TSHZ3: variants seen among roughly 807,000 people sequenced by gnomAD.
TSHZ3 encodes teashirt zinc finger homeobox 3.
TSHZ3 carries 10 observed loss-of-function variants against 64.5 expected under a neutral mutation model. The observed-to-expected ratio is 0.16, with a 90% confidence interval of 0.10 to 0.26. TSHZ3 has a LOEUF of 0.26. Ranked by LOEUF, TSHZ3 falls within the 10% of genes least tolerant of loss-of-function variation. The probability of loss-of-function intolerance (pLI) is 1.00; values close to 1 mark genes in which losing one functional copy is unlikely to be tolerated. For missense variants in TSHZ3, 1,242 were observed against 1,421.7 expected (o/e 0.87, Z 2.03); for synonymous variants, 608 against 593.1 (o/e 1.03, Z -0.36).
chr19:31,271,108 C>T (rs1169878123), downstream of TSHZ3, among the ~76,000 whole-genome samples: 3 of 152,148 alleles, frequency 2.0e-5, no homozygotes, highest in Non-Finnish European at 2.9e-5. Context: ...CTGCCTGGTA[C>T]GGCTCCAGCC....
intron 1 of TSHZ3, among the ~76,000 whole-genome samples, chr19:31,246,145 G>A (rs1462224096): frequency 6.6e-6 from 1 of 152,110 alleles, no homozygotes; most frequent in African/African-American, 2.4e-5. Context: ...ATTTAAAAAA[G>A]TATGTTGCTA....
intron 1 of TSHZ3, chr19:31,305,470 A>G (rs1337858886): frequency 6.6e-6 from 1 of 152,242 alleles, no homozygotes; most frequent in Non-Finnish European, 1.5e-5. Context: ...GAGCAAAGGA[A>G]AAGCACTAAT....
chr19:31,197,583 G>A (rs11882246), intron 5 of TSHZ3, among the ~76,000 whole-genome samples: 1 of 151,548 alleles, frequency 6.6e-6, no homozygotes, highest in African/African-American at 2.4e-5. Flanking sequence ...ACCAAGGAAA[G>A]ACAAGACACA....
intron 5 of TSHZ3, among the ~76,000 whole-genome samples, chr19:31,168,114 A>T (rs1483462116): frequency 2.0e-5 from 3 of 152,228 alleles, no homozygotes; most frequent in Non-Finnish European, 4.4e-5. Flanking sequence ...TGTGAGGGGA[A>T]AAAGTACTCG....
intron 1 of TSHZ3, among the ~76,000 whole-genome samples, chr19:31,317,551 G>A (rs1916637730): frequency 6.6e-6 from 1 of 152,124 alleles, no homozygotes; most frequent in African/African-American, 2.4e-5. Flanking sequence ...ATCACAGAAG[G>A]CCTAAGGAAC....
chr19:31,349,711 C>A (rs1029776776), upstream of TSHZ3, among the ~76,000 whole-genome samples: 5 of 147,486 alleles, frequency 3.4e-5, no homozygotes, highest in Non-Finnish European at 7.6e-5. Context: ...CGGCCCGGAC[C>A]GGTACTGCCC....
intron 1 of TSHZ3, among the ~76,000 whole-genome samples, chr19:31,266,266 C>G (rs1976052707): frequency 6.6e-6 from 1 of 152,130 alleles, no homozygotes; most frequent in South Asian, 2.1e-4. Context: ...CTGGTATACC[C>G]AGCCTCATCA....
At chr19:31,313,657 T>C (rs1201992971) in intron 1 of TSHZ3, among the ~76,000 whole-genome samples, 3 of 152,206 alleles carry the variant, frequency 2.0e-5, no homozygotes, top group African/African-American at 4.8e-5. Context: ...GACATGTGAA[T>C]TCACCCTGAG....
Position 31,207,995 on chromosome 19 carries a change from C to T in TSHZ3, n.687-2917G>A, listed in dbSNP as rs771288346. 3.8e-4 allele frequency among the ~76,000 whole-genome samples: 58 copies of T among 152,150 alleles called. 1 individual carries two copies. The highest frequency in any genetic ancestry group is 1.9e-4 in the East Asian group (1 of 5,190). On this transcript the variant is annotated intron_variant and non_coding_transcript_variant, in intron 4 of 6. Coordinates refer to the TSHZ3 transcript ENST00000651361. ...TCTAAAACCTTTATCATAAGTGCAA[C>T]GAATGACTGCCTTTGCTGATTATAG...
chr19:31,188,702 G>T (rs1443813144), intron 5 of TSHZ3, among the ~76,000 whole-genome samples: 1 of 151,636 alleles, frequency 6.6e-6, no homozygotes, highest in African/African-American at 2.4e-5. Flanking sequence ...TGTATATTTT[G>T]TTAAGAATGT....
At chr19:31,348,938 A>T (rs935175788) in intron 1 of TSHZ3, 1 of 492,806 alleles carries the variant, frequency 2.0e-6, no homozygotes, top group East Asian at 3.6e-5. Flanking sequence ...GGCGCGGCTC[A>T]GCGCGCTCCG....
intron 5 of TSHZ3, among the ~76,000 whole-genome samples, chr19:31,164,755 C>A (rs1343130786): frequency 1.3e-5 from 2 of 152,178 alleles, no homozygotes; most frequent in African/African-American, 4.8e-5. Flanking sequence ...GGGTGAGGTG[C>A]AGCTCCCACC....
At chr19:31,166,471 G>A (rs924439859) in intron 5 of TSHZ3, among the ~76,000 whole-genome samples, 1 of 152,164 alleles carries the variant, frequency 6.6e-6, no homozygotes, top group South Asian at 2.1e-4. Flanking sequence ...CTAGAGCCAG[G>A]CCTTGGAGCA....
intron 5 of TSHZ3, among the ~76,000 whole-genome samples, chr19:31,159,900 C>T (rs145853942): frequency 2.0e-5 from 3 of 152,080 alleles, no homozygotes; most frequent in African/African-American, 4.8e-5. Flanking sequence ...CTATGTTGCC[C>T]AGGCTGGTCT....
At chr19:31,204,041 C>T (rs986460225) in intron 5 of TSHZ3, among the ~76,000 whole-genome samples, 4 of 152,062 alleles carry the variant, frequency 2.6e-5, no homozygotes, top group African/African-American at 9.7e-5. Context: ...GAAGTGCAAG[C>T]AGGGGAAATG....
rs3030229 is a variant in TSHZ3, at chr19:31,226,977, C to CTTTTTTTTTTTTTTTTTTTT, written n.686+1027_686+1028insAAAAAAAAAAAAAAAAAAAA. Among the ~76,000 whole-genome samples the CTTTTTTTTTTTTTTTTTTTT allele has an allele frequency of 1.6e-3, 108 of 65,666 alleles. 3 individuals carry two copies. The highest frequency in any genetic ancestry group is 2.1e-3 in the Non-Finnish European group (89 of 41,446). The allele number at this position is 65,666 out of a possible 152,430, so 43.1% of individuals were successfully genotyped here. A position where few individuals can be genotyped will look rare whatever the true frequency, so the allele number is the denominator to read the frequency against. On this transcript the variant is annotated intron_variant and non_coding_transcript_variant, in intron 4 of 6. Transcript: ENST00000651361. The stretch of plus-strand genomic sequence containing the variant: ...TTTTCTTCTCTTTCTTTCTTTCTTT[C>CTTTTTTTTTTTTTTTTTTTT]TTTTTTTTTTTTTTTTTTTGAGATG...
rs141077507 is a variant in TSHZ3 at position 31,198,582 on chromosome 19, T to G, written n.809+6374A>C. ...ATACTAATAAATAATTATACCAAGG[T>G]TGCAGGATAAAGGTTAATACACAAA... On this transcript the variant is annotated intron_variant and non_coding_transcript_variant, in intron 5 of 6. Coordinates refer to the TSHZ3 transcript ENST00000651361. 6.6e-5 allele frequency among the ~76,000 whole-genome samples: 10 copies of G among 152,202 alleles called. No homozygotes were observed. In the East Asian group the frequency reaches 1.7e-3, roughly 26 times the overall value.
At chr19:31,301,346 C>T (rs1976754104) in intron 1 of TSHZ3, among the ~76,000 whole-genome samples, 1 of 152,146 alleles carries the variant, frequency 6.6e-6, no homozygotes. Context: ...TTGGTGTAGC[C>T]AGCCCCACAC....
intron 4 of TSHZ3, among the ~76,000 whole-genome samples, chr19:31,222,321 T>C (rs1334464722): frequency 6.6e-6 from 1 of 152,104 alleles, no homozygotes; most frequent in Non-Finnish European, 1.5e-5. Flanking sequence ...GAGTCCACAA[T>C]GGGAATGGGG....
Sources: allele counts gnomAD v4.1 joint callset (sites outside exome capture counted in the v4.1 genomes callset), GRCh38; gene constraint gnomAD v4.1.1; transcripts MANE v1.5; gene names NCBI Gene and HGNC (gene_info 2026-07-23, HGNC 2026-07-21).